The following MEGF11 variants were observed in gnomAD, a reference collection of about 807,000 sequenced individuals.
MEGF11 encodes the protein multiple epidermal growth factor-like domains protein 11.
A neutral mutation model predicts 146.6 loss-of-function variants in MEGF11; 126 were observed. The ratio of observed to expected loss-of-function variants is 0.86; its 90% CI spans 0.74 to 1.00. The LOEUF (loss-of-function observed/expected upper bound fraction) is 1.00, where lower values mean the gene tolerates loss of function less well. Among genes scored for constraint, MEGF11 ranks in the 50% least tolerant of loss-of-function variants. MEGF11 has a pLI of 0.00. For missense variants in MEGF11, 1,509 were observed against 1,521.2 expected (o/e 0.99, Z 0.13); for synonymous variants, 532 against 583.4 (o/e 0.91, Z 1.27).
intron 4 of MEGF11, among the ~76,000 whole-genome samples, chr15:66,113,236 C>T (rs1394912362): frequency 6.6e-6 from 1 of 152,130 alleles, no homozygotes; most frequent in Non-Finnish European, 1.5e-5. Flanking sequence ...TGGCACAGTC[C>T]CTTTCCCTGG....
chr15:66,233,951 C>CTTTTTTTTTTTTTTTTTTTTTTTTTT (rs57240560), intron 1 of MEGF11, among the ~76,000 whole-genome samples: 1 of 119,932 alleles, frequency 8.3e-6, no homozygotes. Context: ...TTTTCTTTTT[C>CTTTTTTTTTTTTTTTTTTTTTTTTTT]TTTTTTTTTT....
At chr15:66,098,365 G>A (rs995144407) in intron 4 of MEGF11, among the ~76,000 whole-genome samples, 13 of 152,136 alleles carry the variant, frequency 8.5e-5, no homozygotes, top group Non-Finnish European at 1.5e-5. Flanking sequence ...CTTCTATTGG[G>A]CCTCCACCCA....
At chr15:66,239,430 C>T (rs546566969) in intron 1 of MEGF11, among the ~76,000 whole-genome samples, 104 of 152,334 alleles carry the variant, frequency 6.8e-4, no homozygotes, top group African/African-American at 2.4e-3. Flanking sequence ...CCCCTGCCTA[C>T]AGGGGAAGGC....
chr15:66,224,150 A>G (rs897377640), intron 1 of MEGF11, among the ~76,000 whole-genome samples: 4 of 152,198 alleles, frequency 2.6e-5, no homozygotes, highest in African/African-American at 9.7e-5. Flanking sequence ...TCCGCCTATT[A>G]CCAGCTCTGT....
chr15:66,007,407 G>T (rs1020666189), intron 5 of MEGF11, among the ~76,000 whole-genome samples: 1 of 152,114 alleles, frequency 6.6e-6, no homozygotes, highest in Admixed American at 6.5e-5. Flanking sequence ...TCAGGGAAAA[G>T]TTGAATAATT....
In MEGF11 at chr15:66,127,379, C is replaced by A. The variant is rs374368670; in HGVS notation, c.98+927G>T. Among the ~76,000 whole-genome samples the A allele has an allele frequency of 6.6e-5, 10 of 152,320 alleles. No homozygotes were observed. In the East Asian group the frequency reaches 1.7e-3, roughly 26 times the overall value. On this transcript the variant is annotated intron_variant, in intron 2 of 25. Coordinates refer to ENST00000395614, the MANE Select transcript of MEGF11 (RefSeq NM_001385028.1). Reference sequence around the variant, plus strand: ...TGCCTCCCAGCTGATCCTTCCTGACCCACAAGTGTCCAGGCTACCCCAGAG... The same window carrying A: ...TGCCTCCCAGCTGATCCTTCCTGACACACAAGTGTCCAGGCTACCCCAGAG...
At chr15:66,018,167 G>A (rs1310348529) in intron 5 of MEGF11, among the ~76,000 whole-genome samples, 2 of 152,302 alleles carry the variant, frequency 1.3e-5, no homozygotes, top group Middle Eastern at 3.4e-3. Context: ...CTGGGCCACA[G>A]AGCCGGGGAG....
intron 5 of MEGF11, among the ~76,000 whole-genome samples, chr15:66,001,756 C>T (rs900163593): frequency 3.9e-5 from 6 of 152,036 alleles, no homozygotes; most frequent in South Asian, 2.1e-4. Context: ...GCTGGGAGGC[C>T]GTTTGAACTG....
chr15:65,953,088 A>G (rs778700606), intron 10 of MEGF11, among the ~76,000 whole-genome samples: 1 of 152,172 alleles, frequency 6.6e-6, no homozygotes, highest in Non-Finnish European at 1.5e-5. Context: ...ATCCGTGGGT[A>G]CAGCTCATCC....
At chr15:65,940,044 C>T (rs1237767178) in intron 10 of MEGF11, among the ~76,000 whole-genome samples, 4 of 152,120 alleles carry the variant, frequency 2.6e-5, no homozygotes, top group Non-Finnish European at 5.9e-5. Context: ...TCAGGGGATA[C>T]ACAGGGAGTG....
chr15:66,044,908 G>A (rs1427845864), intron 5 of MEGF11, among the ~76,000 whole-genome samples: 1 of 149,846 alleles, frequency 6.7e-6, no homozygotes, highest in Non-Finnish European at 1.5e-5. Flanking sequence ...TGAGGAGAAT[G>A]GAGAGGTGAT....
chr15:66,096,337 A>T (rs899082), intron 4 of MEGF11, among the ~76,000 whole-genome samples: 1 of 152,222 alleles, frequency 6.6e-6, no homozygotes, highest in African/African-American at 2.4e-5. Flanking sequence ...GAGTGTCAGG[A>T]CTCGAAGAGA....
intron 1 of MEGF11, among the ~76,000 whole-genome samples, chr15:66,147,018 C>A (rs996649900): frequency 6.6e-6 from 1 of 152,192 alleles, no homozygotes. Context: ...GGACACCATT[C>A]CTCACTGGGA....
At chr15:66,081,011 C>G (rs930817000) in intron 5 of MEGF11, among the ~76,000 whole-genome samples, 35 of 152,214 alleles carry the variant, frequency 2.3e-4, no homozygotes, top group African/African-American at 7.5e-4. Context: ...AAAAACAACT[C>G]GAGAGAGAGC....
intron 1 of MEGF11, among the ~76,000 whole-genome samples, chr15:66,201,778 C>CAAA (rs60006667): frequency 0.018 from 1,741 of 99,154 alleles, 97 homozygotes; most frequent in East Asian, 0.048. Context: ...CTAAAAATCC[C>CAAA]AAAAAAAAAA....
At chr15:65,955,180 T>C (rs1011781233) in intron 10 of MEGF11, among the ~76,000 whole-genome samples, 5 of 152,180 alleles carry the variant, frequency 3.3e-5, no homozygotes, top group Non-Finnish European at 7.4e-5. Flanking sequence ...CCTGACCACT[T>C]GGCTACGTGA....
At chr15:65,914,056 C>G in intron 19 of MEGF11, 83 bp from the exon 20 acceptor site, 1 of 1,039,216 alleles carries the variant, frequency 9.6e-7, no homozygotes. Flanking sequence ...ATGCGTGTAA[C>G]CCCTCTAATG....
At chr15:65,954,022 C>T (rs1432156541) in intron 10 of MEGF11, among the ~76,000 whole-genome samples, 1 of 152,108 alleles carries the variant, frequency 6.6e-6, no homozygotes, top group East Asian at 1.9e-4. Context: ...GTTTCACATC[C>T]ACTGTCATGG....
chr15:66,125,258 C>T (rs1231268862), intron 2 of MEGF11, among the ~76,000 whole-genome samples: 1 of 152,172 alleles, frequency 6.6e-6, no homozygotes, highest in East Asian at 1.9e-4. Flanking sequence ...AGATATGCCT[C>T]AGAGGCACAC....
Sources: allele counts gnomAD v4.1 joint callset (sites outside exome capture counted in the v4.1 genomes callset), GRCh38; gene constraint gnomAD v4.1.1; transcripts MANE v1.5; gene names NCBI Gene and HGNC (gene_info 2026-07-23, HGNC 2026-07-21).